FAM120A: variants seen among roughly 807,000 people sequenced by gnomAD.
FAM120A encodes the protein family with sequence similarity 120 member A, also known as constitutive coactivator of PPAR-gamma-like protein 1.
A neutral mutation model predicts 109.7 loss-of-function variants in FAM120A; 15 were observed. That is an observed-to-expected ratio of 0.14 (90% confidence interval 0.09 to 0.21). The LOEUF is 0.21. Ranked by LOEUF, FAM120A falls within the 10% of genes least tolerant of loss-of-function variation. The pLI is 1.00. For missense variants in FAM120A, 899 were observed against 1,439.3 expected (o/e 0.62, Z 6.07); for synonymous variants, 493 against 572.8 (o/e 0.86, Z 1.99).
chr9:93,520,995 A>G (rs1860822561), intron 7 of FAM120A, among the ~76,000 whole-genome samples: 2 of 152,198 alleles, frequency 1.3e-5, no homozygotes, highest in Admixed American at 6.5e-5. Flanking sequence ...TTTGTACTGT[A>G]CAGTTCTCCT....
At chr9:93,524,299 A>G (rs1392584955) in intron 7 of FAM120A, among the ~76,000 whole-genome samples, 1 of 152,154 alleles carries the variant, frequency 6.6e-6, no homozygotes, top group African/African-American at 2.4e-5. Context: ...GGAAAACTCT[A>G]CACCCCTGAC....
chr9:93,497,071 T>G (rs1308944401), intron 3 of FAM120A, among the ~76,000 whole-genome samples: 1 of 152,194 alleles, frequency 6.6e-6, no homozygotes. Flanking sequence ...CTTTGTTGGT[T>G]GGTGTTGAAA....
intron 10 of FAM120A, among the ~76,000 whole-genome samples, chr9:93,535,427 G>A (rs1413398065): frequency 6.6e-6 from 1 of 152,192 alleles, no homozygotes; most frequent in Non-Finnish European, 1.5e-5. Flanking sequence ...TAGGGCAGGT[G>A]CAGATGACCT....
intron 12 of FAM120A, among the ~76,000 whole-genome samples, chr9:93,551,141 C>CT (rs1485900375): frequency 3.9e-5 from 6 of 152,176 alleles, no homozygotes; most frequent in Non-Finnish European, 8.8e-5. Context: ...TTCTTTGCCC[C>CT]TCAACTATTA....
chr9:93,543,391 C>T lies in FAM120A; in HGVS notation c.2079C>T (p.Ala693=), dbSNP rs756526155. ...DKNRRMRAFL[A]CMRSDTPAML... is the part of the protein sequence containing the mutation. ...ACCGCAGGATGAGGGCCTTCCTGGC[C>T]TGCATGAGGTCGGACACCCCAGCCA... Residue 693 remains alanine, a synonymous_variant, in exon 11 of 18, where the codon GCC becomes GCT. Transcript: ENST00000277165. 3.7e-6 allele frequency: 6 copies of T among 1,614,166 alleles called. No homozygotes were observed. Among genetic ancestry groups the T allele is most frequent in the Non-Finnish European group, 4.2e-6 (5 of 1,180,028 alleles).
intron 1 of FAM120A, among the ~76,000 whole-genome samples, chr9:93,460,517 A>G (rs1857745347): frequency 6.6e-6 from 1 of 151,990 alleles, no homozygotes; most frequent in South Asian, 2.1e-4. Flanking sequence ...TTGTATTTTT[A>G]GTAGAGACAG....
intron 1 of FAM120A, among the ~76,000 whole-genome samples, chr9:93,469,853 A>G (rs1368949940): frequency 1.3e-5 from 2 of 152,146 alleles, no homozygotes; most frequent in Non-Finnish European, 2.9e-5. Context: ...GTGAGATTTC[A>G]TTATAGCTAA....
chr9:93,528,214 G>A (rs965415046), intron 8 of FAM120A, among the ~76,000 whole-genome samples: 1 of 152,084 alleles, frequency 6.6e-6, no homozygotes, highest in African/African-American at 2.4e-5. Context: ...GTATTCTTAT[G>A]GAATGGAAAG....
intron 1 of FAM120A, among the ~76,000 whole-genome samples, chr9:93,458,298 TCCCA>T (rs1443997497): frequency 2.0e-5 from 3 of 151,406 alleles, no homozygotes; most frequent in Admixed American, 6.6e-5. Flanking sequence ...TCCTTGCCGC[TCCCA>T]CCGTCTGTCC....
At chr9:93,557,207 G>A (rs1862315918) in intron 13 of FAM120A, among the ~76,000 whole-genome samples, 1 of 142,186 alleles carries the variant, frequency 7.0e-6, no homozygotes, top group Non-Finnish European at 1.5e-5. Context: ...TCAGCTCACT[G>A]TAACCTCCAC....
intron 9 of FAM120A, among the ~76,000 whole-genome samples, chr9:93,531,784 A>G (rs1474831422): frequency 6.6e-6 from 1 of 152,252 alleles, no homozygotes; most frequent in African/African-American, 2.4e-5. Context: ...ATTATATTGC[A>G]TGTGACCATC....
At chr9:93,499,042 G>C (rs1301747857) in intron 5 of FAM120A, among the ~76,000 whole-genome samples, 156 bp downstream of exon 5, 1 of 152,278 alleles carries the variant, frequency 6.6e-6, no homozygotes, top group South Asian at 2.1e-4. Flanking sequence ...AGACTCAGTA[G>C]CAATCCCTGA....
chr9:93,458,986 C>G (rs1217420881), intron 1 of FAM120A, among the ~76,000 whole-genome samples: 3 of 152,220 alleles, frequency 2.0e-5, no homozygotes, highest in Non-Finnish European at 4.4e-5. Context: ...CCCAACTGGT[C>G]ACTATTTCCC....
intron 10 of FAM120A, among the ~76,000 whole-genome samples, chr9:93,535,594 G>A (rs116096960): frequency 6.6e-6 from 1 of 152,308 alleles, no homozygotes; most frequent in African/African-American, 2.4e-5. Flanking sequence ...TAATTTCAGT[G>A]GGTGAGATTT....
intron 1 of FAM120A, among the ~76,000 whole-genome samples, chr9:93,460,289 G>A (rs1160555772): frequency 6.6e-6 from 1 of 152,164 alleles, no homozygotes; most frequent in Admixed American, 6.5e-5. Context: ...TCACAGTTCA[G>A]ATAAAAATAT....
At chr9:93,499,274 G>T (rs1475668564) in intron 5 of FAM120A, among the ~76,000 whole-genome samples, 1 of 150,860 alleles carries the variant, frequency 6.6e-6, no homozygotes. Context: ...CTTGACCCCT[G>T]CCTTTTTTTT....
At chr9:93,546,827 T>C (rs536763339) in intron 11 of FAM120A, among the ~76,000 whole-genome samples, 1 of 152,338 alleles carries the variant, frequency 6.6e-6, no homozygotes, top group South Asian at 2.1e-4. Flanking sequence ...TATAGACTAT[T>C]ATCAATTTCT....
chr9:93,534,557 C>T (rs1861445726), intron 10 of FAM120A, among the ~76,000 whole-genome samples: 1 of 152,156 alleles, frequency 6.6e-6, no homozygotes, highest in Admixed American at 6.5e-5. Context: ...TGAGACATGG[C>T]TGAGATGGAC....
intron 1 of FAM120A, among the ~76,000 whole-genome samples, chr9:93,458,774 G>A (rs539091550): frequency 2.6e-5 from 4 of 152,232 alleles, no homozygotes; most frequent in South Asian, 2.1e-4. Flanking sequence ...CTACCCCCGC[G>A]CCCCAGTGGA....
Sources: gnomAD v4.1 joint callset for allele counts (sites outside exome capture counted in the v4.1 genomes callset) on GRCh38, gnomAD v4.1.1 for gene constraint, MANE v1.5 for transcripts, NCBI Gene and HGNC (gene_info 2026-07-23, HGNC 2026-07-21) for gene names.